The following CS variants were observed in gnomAD, a reference collection of about 807,000 sequenced individuals.
CS encodes the protein citrate synthase, mitochondrial.
In CS, 13 loss-of-function variants were observed where a neutral mutation model predicts 61.4. That is an observed-to-expected ratio of 0.21 (90% CI 0.14 to 0.34). CS has a LOEUF of 0.34. CS is among the 10% of genes least tolerant of loss of function. The pLI, the probability that CS is intolerant of heterozygous loss-of-function variation, is 1.00. For synonymous variants in CS, 159 were observed against 215.2 expected (o/e 0.74, Z 2.29); for missense variants, 278 against 573.4 (o/e 0.48, Z 5.26).
In CS at chr12:56,288,702, A is replaced by G. The variant is rs569771476; in HGVS notation, c.43-2057T>C. Among the ~76,000 whole-genome samples the G allele has an allele frequency of 4.7e-3, 721 of 152,038 alleles. 8 individuals are homozygous for G. The highest frequency in any genetic ancestry group is 0.017 in the African/African-American group (690 of 41,478). On this transcript the variant is annotated intron_variant, in intron 1 of 10. Transcript: ENST00000351328. ...GTCACTCTTTCCCCCAGGCTGGAGT[A>G]TAGTGGCATGTTAATAGCTCACTGT...
chr12:56,283,958 G>T, intron 3 of CS, 101 bp from the exon 4 acceptor site: 1 of 820,836 alleles, frequency 1.2e-6, no homozygotes, highest in Non-Finnish European at 2.0e-6. Flanking sequence ...ATCTGGGAGA[G>T]AAAATTTATT....
chr12:56,273,467 T>A, intron 10 of CS, 120 bp downstream of exon 10: 1 of 1,119,572 alleles, frequency 8.9e-7, no homozygotes, highest in Middle Eastern at 2.0e-4. Flanking sequence ...TAGTCAACTT[T>A]ATCAAAATGC....
At chr12:56,286,079 G>A in intron 2 of CS, 56 bp from the exon 3 acceptor site, 1 of 1,458,602 alleles carries the variant, frequency 6.9e-7, no homozygotes, top group Non-Finnish European at 9.6e-7. Flanking sequence ...TAGATTTCCT[G>A]CAAAGTAGGT....
chr12:56,296,289 T>C (rs1479841696), intron 1 of CS, among the ~76,000 whole-genome samples: 3 of 152,000 alleles, frequency 2.0e-5, no homozygotes, highest in Non-Finnish European at 4.4e-5. Context: ...GGCAAAACAC[T>C]GTCTCCAAAA....
chr12:56,298,615 C>G (rs949415294), intron 1 of CS: 12 of 985,236 alleles, frequency 1.2e-5, no homozygotes, highest in African/African-American at 5.2e-5. Flanking sequence ...TTACCCTTTT[C>G]CCCAGCAGCA....
chr12:56,276,266 G>T, intron 6 of CS, 71 bp from the exon 7 acceptor site: 2 of 1,458,024 alleles, frequency 1.4e-6, no homozygotes, highest in Non-Finnish European at 9.5e-7. Flanking sequence ...CAGGGATATC[G>T]TCTGTCCTCC....
rs35576342 is a variant in CS at position 56,275,589 on chromosome 12, A to AAT, written c.788+406_788+407insAT. ...CCATCTAAAAAAAAAAAAAAAAAAA[A>AAT]GCATCCTAATCTCATTACCAGCTTT... On this transcript the variant is annotated intron_variant, in intron 7 of 10. Coordinates refer to ENST00000351328, the MANE Select transcript of CS (RefSeq NM_004077.3). The AAT allele has an allele frequency of 6.1e-3, 1,117 of 182,646 alleles. 13 individuals carry two copies. Among genetic ancestry groups the AAT allele is most frequent in the South Asian group, 0.012 (116 of 10,018 alleles). 11.3% of individuals were successfully genotyped at this position (182,646 alleles called of 1,614,324 possible). A position where few individuals can be genotyped will look rare whatever the true frequency, so the allele number is the denominator to read the frequency against.
At chr12:56,287,544 CT>C (rs1333113029) in intron 1 of CS, among the ~76,000 whole-genome samples, 2 of 136,746 alleles carry the variant, frequency 1.5e-5, no homozygotes, top group African/African-American at 5.3e-5. Context: ...CTAGTTTATG[CT>C]TTTCTGTGTG....
intron 1 of CS, among the ~76,000 whole-genome samples, chr12:56,294,728 A>C (rs2135925995): frequency 6.6e-6 from 1 of 151,458 alleles, no homozygotes; most frequent in Middle Eastern, 3.4e-3. Context: ...CACCATGCCC[A>C]GCCAGGAATC....
At chr12:56,296,246 A>G (rs182442854) in intron 1 of CS, among the ~76,000 whole-genome samples, 1 of 152,254 alleles carries the variant, frequency 6.6e-6, no homozygotes, top group African/African-American at 2.4e-5. Context: ...GGATTGCTTG[A>G]GCCCAGGAGT....
At chr12:56,283,734 G>A (rs1872844896) in intron 4 of CS, 58 bp downstream of exon 4, 5 of 1,328,308 alleles carry the variant, frequency 3.8e-6, no homozygotes, top group South Asian at 2.4e-5. Context: ...TCTAATCCAC[G>A]GTTTGCGTAT....
At chr12:56,276,873 T>C (rs1239472545) in intron 6 of CS, among the ~76,000 whole-genome samples, 5 of 152,070 alleles carry the variant, frequency 3.3e-5, no homozygotes, top group Non-Finnish European at 7.4e-5. Context: ...TCTTTTTCAC[T>C]ACACCATGAC....
At chr12:56,292,742 A>T (rs1045170840) in intron 1 of CS, among the ~76,000 whole-genome samples, 2 of 150,216 alleles carry the variant, frequency 1.3e-5, no homozygotes, top group Non-Finnish European at 3.0e-5. Context: ...AAAAAAAAAA[A>T]AAAAAAAAAA....
intron 2 of CS, 197 bp downstream of exon 2, chr12:56,286,398 A>G (rs1872939837): frequency 1.8e-6 from 1 of 558,598 alleles, no homozygotes; most frequent in Middle Eastern, 4.7e-4. Flanking sequence ...TGATATTCCC[A>G]TCTCACTATA....
intron 1 of CS, among the ~76,000 whole-genome samples, chr12:56,294,932 A>AT (rs1377743177): frequency 2.4e-4 from 37 of 151,802 alleles, no homozygotes; most frequent in Admixed American, 2.3e-3. Flanking sequence ...CGATTGGCTG[A>AT]TTTTTGTATT....
chr12:56,281,080 C>A (rs985527528), intron 6 of CS, among the ~76,000 whole-genome samples: 2 of 152,220 alleles, frequency 1.3e-5, no homozygotes, highest in Admixed American at 1.3e-4. Flanking sequence ...GTGTCTTGCA[C>A]CACAGTGAAC....
intron 9 of CS, chr12:56,274,041 C>T (rs1440309788): frequency 1.0e-5 from 5 of 490,428 alleles, no homozygotes; most frequent in East Asian, 7.6e-5. Context: ...TGGCCGTGTG[C>T]GGTGGCTCAT....
At position 56,275,135 on chromosome 12, in the gene CS, T is replaced by C. The variant is rs765294212; in HGVS notation, c.789-4A>G. 5.8e-5 allele frequency: 94 copies of C among 1,613,838 alleles called. No individual in the cohort carries two copies. The highest frequency in any genetic ancestry group is 7.4e-5 in the Non-Finnish European group (87 of 1,179,964). Reference sequence around the variant, plus strand: ...TACATTGCCACCCTCATGGTCACTGTGGGGAAGTAAGAAGGGAGAGCCAAG... The same window carrying C: ...TACATTGCCACCCTCATGGTCACTGCGGGGAAGTAAGAAGGGAGAGCCAAG... On this transcript the variant is annotated splice_region_variant and splice_polypyrimidine_tract_variant and intron_variant, in intron 7 of 10. Transcript: ENST00000351328.
Position 56,272,110 on chromosome 12 carries a change from A to G in CS, c.*974T>C, listed in dbSNP as rs1354869745. ...CAGAGGAGACCATGTCCAATCTTGA[A>G]TCAATTCCCTGTTCAAAAAGAGGTG... is the stretch of plus-strand genomic sequence containing the variant. On this transcript the variant is annotated 3_prime_UTR_variant, in exon 11 of 11. Transcript: ENST00000351328. 1 of 314,010 alleles carries G rather than the reference A, an allele frequency of 3.2e-6. No individual in the cohort carries two copies. The highest frequency in any genetic ancestry group is 9.1e-5 in the East Asian group (1 of 10,934). 19.5% of individuals were successfully genotyped at this position (314,010 alleles called of 1,614,324 possible). A position where few individuals can be genotyped will look rare whatever the true frequency, so the allele number is the denominator to read the frequency against.
Sources: gnomAD v4.1 joint callset for allele counts (sites outside exome capture counted in the v4.1 genomes callset) on GRCh38, gnomAD v4.1.1 for gene constraint, MANE v1.5 for transcripts, NCBI Gene and HGNC (gene_info 2026-07-23, HGNC 2026-07-21) for gene names.